DTNA: variants seen among roughly 807,000 people sequenced by gnomAD.
DTNA encodes the protein dystrophin-related protein 3.
Under a neutral mutation model 100.7 loss-of-function variants are expected in DTNA, and 43 were observed. That is an observed-to-expected ratio of 0.43 (90% CI 0.33 to 0.55). The LOEUF (loss-of-function observed/expected upper bound fraction) is 0.55. DTNA is among the 20% of genes least tolerant of loss of function. DTNA has a pLI of 0.04. For missense variants in DTNA, 798 were observed against 953.9 expected (o/e 0.84, Z 2.15); for synonymous variants, 349 against 347.9 (o/e 1.00, Z -0.04).
intron 1 of DTNA, among the ~76,000 whole-genome samples, chr18:34,688,280 TG>T (rs1333796131): frequency 6.6e-6 from 1 of 152,200 alleles, no homozygotes. Context: ...TAGCTGGTAC[TG>T]GTTTTTCCCT....
intron 1 of DTNA, among the ~76,000 whole-genome samples, chr18:34,644,755 T>C (rs2059653296): frequency 6.6e-6 from 1 of 152,130 alleles, no homozygotes; most frequent in Admixed American, 6.5e-5. Flanking sequence ...ATATAAAATG[T>C]AACTGGCATT....
intron 1 of DTNA, among the ~76,000 whole-genome samples, chr18:34,601,114 C>T (rs1165597233): frequency 8.4e-6 from 1 of 119,434 alleles, no homozygotes; most frequent in Non-Finnish European, 1.8e-5. Context: ...TGGTGTTAGA[C>T]AGCAACTTTT....
chr18:34,773,694 T>A (rs1002464419), intron 3 of DTNA, among the ~76,000 whole-genome samples: 3 of 152,212 alleles, frequency 2.0e-5, no homozygotes, highest in African/African-American at 7.2e-5. Flanking sequence ...TAAACAAACC[T>A]ATTAAAGATG....
chr18:34,543,823 G>A (rs2044492911), intron 1 of DTNA, among the ~76,000 whole-genome samples: 1 of 152,068 alleles, frequency 6.6e-6, no homozygotes, highest in Non-Finnish European at 1.5e-5. Flanking sequence ...TCGATTCACT[G>A]AAAGTGCTTT....
intron 1 of DTNA, among the ~76,000 whole-genome samples, chr18:34,532,665 G>A (rs990682180): frequency 6.6e-6 from 1 of 151,796 alleles, no homozygotes; most frequent in African/African-American, 2.4e-5. Flanking sequence ...AGCATGTATC[G>A]CACTGTGTTA....
chr18:34,732,245 C>A (rs2088448358), intron 1 of DTNA, among the ~76,000 whole-genome samples: 1 of 152,174 alleles, frequency 6.6e-6, no homozygotes, highest in African/African-American at 2.4e-5. Context: ...TTTCAGCTAA[C>A]TTGTTGGATT....
chr18:34,890,353 A>G lies in DTNA; in HGVS notation c.*2619A>G, dbSNP rs543634551. 6.5e-7 allele frequency: 1 copy of G among 1,536,128 alleles called. No individual in the cohort carries two copies. The highest frequency in any genetic ancestry group is 1.2e-5 in the South Asian group (1 of 84,058). ...AGCACCCCTGTCCTGTAAGCGAGAC[A>G]AAATGGCGTGTGTTATTTTGGGGTT... On this transcript the variant is annotated 3_prime_UTR_variant, in exon 23 of 23. Transcript: ENST00000444659.
chr18:34,792,156 A>G (rs2094775329), intron 3 of DTNA, among the ~76,000 whole-genome samples: 1 of 151,884 alleles, frequency 6.6e-6, no homozygotes, highest in African/African-American at 2.4e-5. Context: ...CAATGTGCAC[A>G]CAAAGTTAGT....
chr18:34,666,346 A>G (rs2075923264), intron 1 of DTNA, among the ~76,000 whole-genome samples: 1 of 151,802 alleles, frequency 6.6e-6, no homozygotes, highest in Admixed American at 6.6e-5. Context: ...AGTAGATTGC[A>G]AAAATTTTCT....
chr18:34,556,949 G>A (rs7234599), intron 1 of DTNA, among the ~76,000 whole-genome samples: 14,166 of 127,564 alleles, frequency 0.11, 1,145 homozygotes, highest in African/African-American at 0.19. Flanking sequence ...TCTCCTGGAT[G>A]ATATCCTGCA....
rs374634968 is a variant in DTNA at position 34,886,960 on chromosome 18, G to A, written c.*32-806G>A. Among the ~76,000 whole-genome samples, 159 of 152,310 alleles carry A rather than the reference G, an allele frequency of 1.0e-3. 3 individuals are homozygous for A. In the South Asian group the frequency reaches 0.03, roughly 29 times the overall value. ...ATATTTTTGTTTAGACTTTCTGGCT[G>A]TACTGCAAGACCAGAAATTATCCCA... On this transcript the variant is annotated intron_variant, in intron 22 of 22. Coordinates refer to ENST00000444659, the MANE Select transcript of DTNA (RefSeq NM_001386795.1).
At chr18:34,589,251 A>G (rs1415265783) in intron 1 of DTNA, among the ~76,000 whole-genome samples, 1 of 152,088 alleles carries the variant, frequency 6.6e-6, no homozygotes, top group African/African-American at 2.4e-5. Context: ...TTTGATATAT[A>G]TAGTGAGGTG....
Position 34,777,572 on chromosome 18 carries a change from C to T in DTNA, c.148+11531C>T, listed in dbSNP as rs144645095. On this transcript the variant is annotated intron_variant, in intron 3 of 22. Coordinates refer to ENST00000444659, the MANE Select transcript of DTNA (RefSeq NM_001386795.1). ...TAGTTTATAAAGGAAAGAGGTTTAA[C>T]TGACTCGCCATTCCATGTGGCTGGG... Among the ~76,000 whole-genome samples the T allele has an allele frequency of 9.2e-3, 1,403 of 152,312 alleles. 23 individuals are homozygous for T. The highest frequency in any genetic ancestry group is 0.032 in the African/African-American group (1,326 of 41,550).
rs370918517 is a variant in DTNA, at chr18:34,838,274, C to T, written c.1253+103C>T. ...TGTGTGTGAAAGACTGTCTTTGATT[C>T]AGTAAAAGCAGCTCTGCTTTAACCC... On this transcript the variant is annotated intron_variant, in intron 12 of 22. Coordinates refer to ENST00000444659, the MANE Select transcript of DTNA (RefSeq NM_001386795.1). The T allele has an allele frequency of 3.9e-6, 5 of 1,268,310 alleles. No homozygotes were observed. In the African/African-American group the frequency reaches 5.9e-5, roughly 15 times the overall value. 78.6% of individuals were successfully genotyped at this position (1,268,310 alleles called of 1,614,324 possible). A position where few individuals can be genotyped will look rare whatever the true frequency, so the allele number is the denominator to read the frequency against.
intron 1 of DTNA, among the ~76,000 whole-genome samples, chr18:34,638,275 C>T (rs907028209): frequency 6.6e-6 from 1 of 152,198 alleles, no homozygotes; most frequent in African/African-American, 2.4e-5. Flanking sequence ...TTACTGAGTG[C>T]TCACTGTGCA....
intron 1 of DTNA, among the ~76,000 whole-genome samples, chr18:34,592,167 G>C (rs1291380297): frequency 1.3e-5 from 2 of 152,104 alleles, no homozygotes; most frequent in Non-Finnish European, 2.9e-5. Flanking sequence ...ACCCCCAAAT[G>C]CTTAGGGTTG....
intron 1 of DTNA, among the ~76,000 whole-genome samples, chr18:34,593,979 G>T (rs569869645): frequency 3.3e-5 from 5 of 152,234 alleles, no homozygotes; most frequent in Admixed American, 2.6e-4. Context: ...GAGAGGAAAG[G>T]TGCTCTAAAG....
chr18:34,661,713 T>G (rs190027444), intron 1 of DTNA, among the ~76,000 whole-genome samples: 1 of 152,306 alleles, frequency 6.6e-6, no homozygotes, highest in Admixed American at 6.5e-5. Flanking sequence ...CTCCATCCAC[T>G]GTTCCCACCC....
At chr18:34,638,445 G>A (rs1265102563) in intron 1 of DTNA, among the ~76,000 whole-genome samples, 1 of 152,186 alleles carries the variant, frequency 6.6e-6, no homozygotes, top group Non-Finnish European at 1.5e-5. Context: ...AGCTGAGATT[G>A]GAATCTAGGC....
Sources: gnomAD v4.1 joint callset for allele counts (sites outside exome capture counted in the v4.1 genomes callset) on GRCh38, gnomAD v4.1.1 for gene constraint, MANE v1.5 for transcripts, NCBI Gene and HGNC (gene_info 2026-07-23, HGNC 2026-07-21) for gene names.